The following P3H2 variants were observed in gnomAD, a reference collection of about 807,000 sequenced individuals.
P3H2 encodes the protein prolyl 3-hydroxylase 2.
In P3H2, 80 loss-of-function variants were observed where a neutral mutation model predicts 87.0. That is an observed-to-expected ratio of 0.92 (90% confidence interval 0.77 to 1.11). The LOEUF is 1.11. P3H2 is among the 50% of genes least tolerant of loss of function. The pLI is 0.00. For synonymous variants in P3H2, 367 were observed against 359.3 expected (o/e 1.02, Z -0.24); for missense variants, 1,001 against 923.9 (o/e 1.08, Z -1.08).
At chr3:190,102,540 T>C (rs977162754) in intron 1 of P3H2, among the ~76,000 whole-genome samples, 2 of 152,222 alleles carry the variant, frequency 1.3e-5, no homozygotes, top group Non-Finnish European at 2.9e-5. Flanking sequence ...CCTGAGATGT[T>C]AGTTAATTAC....
intron 11 of P3H2, among the ~76,000 whole-genome samples, chr3:189,972,612 A>ATT (rs148423217): frequency 7.9e-5 from 12 of 151,472 alleles, no homozygotes; most frequent in African/African-American, 2.9e-4. Flanking sequence ...GCAGAAAAGC[A>ATT]TTTTTTTTTC....
intron 1 of P3H2, among the ~76,000 whole-genome samples, chr3:190,075,416 T>C (rs1726839096): frequency 6.8e-6 from 1 of 148,036 alleles, no homozygotes; most frequent in Admixed American, 6.8e-5. Context: ...ACCTGGGAGG[T>C]GGAGGTTACA....
chr3:189,966,054 AAGAAAGAAAG>A (rs1177500707), intron 13 of P3H2, among the ~76,000 whole-genome samples: 10 of 145,876 alleles, frequency 6.9e-5, no homozygotes, highest in African/African-American at 1.9e-4. Context: ...AAAAGAAAGA[AAGAAAGAAAG>A]AGAAAGAAGG....
At chr3:189,963,779 A>T in intron 14 of P3H2, 179 bp downstream of exon 14, 1 of 688,230 alleles carries the variant, frequency 1.5e-6, no homozygotes, top group Admixed American at 2.2e-5. Context: ...CAGATTAGTG[A>T]CTATCAAATA....
At chr3:189,989,179 C>A in intron 3 of P3H2, 141 bp from the exon 4 acceptor site, 3 of 1,014,320 alleles carry the variant, frequency 3.0e-6, no homozygotes, top group Non-Finnish European at 3.0e-6. Context: ...TTCCGGACTG[C>A]AAAACCTTTT....
In P3H2 at chr3:189,973,030, A is replaced by AC; in HGVS notation, c.1549-7_1549-6insG. On this transcript the variant is annotated splice_polypyrimidine_tract_variant and splice_region_variant and intron_variant, in intron 10 of 14. Transcript: ENST00000319332. The stretch of plus-strand genomic sequence containing the variant: ...ACTCGACCTTCATAACCAGACTGAA[A>AC]AAAAAAAACAAAACATGAGAAACAA... The AC allele has an allele frequency of 6.2e-7, 1 of 1,602,078 alleles. No homozygotes were observed. The highest frequency in any genetic ancestry group is 1.4e-5 in the African/African-American group (1 of 73,404).
At chr3:190,121,857 C>T (rs1328022804), upstream of P3H2, among the ~76,000 whole-genome samples, 3 of 152,090 alleles carry the variant, frequency 2.0e-5, no homozygotes, top group African/African-American at 4.8e-5. Flanking sequence ...TTTGGGAGGC[C>T]AAGGCGGGTG....
chr3:189,971,470 T>C, intron 12 of P3H2: 1 of 270,154 alleles, frequency 3.7e-6, no homozygotes, highest in Admixed American at 5.1e-5. Flanking sequence ...GAGTTTCTAG[T>C]GTCTTATTTA....
chr3:190,030,273 G>C (rs1265566083), intron 1 of P3H2, among the ~76,000 whole-genome samples: 1 of 152,058 alleles, frequency 6.6e-6, no homozygotes, highest in Non-Finnish European at 1.5e-5. Flanking sequence ...TAAAATATTA[G>C]AAAAACAATG....
chr3:189,981,797 C>A (rs748808461), intron 8 of P3H2, among the ~76,000 whole-genome samples: 21 of 152,176 alleles, frequency 1.4e-4, no homozygotes, highest in Non-Finnish European at 2.6e-4. Flanking sequence ...TGGGTGATTT[C>A]TCAGCCTAAA....
chr3:190,120,669 T>C lies in P3H2; in HGVS notation c.63A>G (p.Pro21=), dbSNP rs749637296. The change falls in exon 1 of 15, where the codon CCA becomes CCG. Residue 21 remains proline, a synonymous_variant. Coordinates refer to ENST00000319332, the MANE Select transcript of P3H2 (RefSeq NM_018192.4). ...LLLLPLLLPP[P]LWGGPPDSPR... ...GGCTGTCCGGGGGGCCGCCCCACAG[T>C]GGCGGCGGCAGTAGCAGCGGCAGCA... 3.3e-6 allele frequency: 5 copies of C among 1,522,870 alleles called. No individual in the cohort carries two copies. Among genetic ancestry groups the C allele is most frequent in the Non-Finnish European group, 4.4e-6 (5 of 1,142,058 alleles). 94.3% of individuals were successfully genotyped at this position (1,522,870 alleles called of 1,614,324 possible).
Position 189,988,861 on chromosome 3 carries a change from G to T in P3H2, c.955+46C>A. The T allele has an allele frequency of 2.5e-6, 4 of 1,611,584 alleles. 1 individual carries two copies. The South Asian group carries it at 4.4e-5, about 18-fold the overall frequency. On this transcript the variant is annotated intron_variant, in intron 4 of 14. Coordinates refer to ENST00000319332, the MANE Select transcript of P3H2 (RefSeq NM_018192.4). ...ACAAAAATGTGATGTCTGTAATGAT[G>T]AACCACAACCCCCCAAGAAGTCTTC...
In P3H2 at chr3:190,120,242, C is replaced by G. The variant is rs1428804744; in HGVS notation, c.480+10G>C. 6.2e-7 allele frequency: 1 copy of G among 1,608,474 alleles called. No homozygotes were observed. Among genetic ancestry groups the G allele is most frequent in the African/African-American group, 1.3e-5 (1 of 74,882 alleles). ...AGGGGCTTTGCAGTGGAGGAGCGCT[C>G]TGTGGGTACCTTGATGTAGGCCCGC... On this transcript the variant is annotated intron_variant, in intron 1 of 14. Coordinates refer to ENST00000319332, the MANE Select transcript of P3H2 (RefSeq NM_018192.4).
At chr3:190,047,989 T>C (rs979767681) in intron 1 of P3H2, among the ~76,000 whole-genome samples, 1 of 152,220 alleles carries the variant, frequency 6.6e-6, no homozygotes, top group Admixed American at 6.5e-5. Flanking sequence ...TTTTTATGTA[T>C]ACAGGTCTTT....
intron 4 of P3H2, 149 bp from the exon 5 acceptor site, chr3:189,987,818 G>A: frequency 1.2e-6 from 1 of 847,868 alleles, no homozygotes; most frequent in Admixed American, 2.1e-5. Flanking sequence ...AGCAGAAACA[G>A]TCACAGATAA....
At chr3:190,114,500 T>G (rs751390295) in intron 1 of P3H2, among the ~76,000 whole-genome samples, 1 of 152,134 alleles carries the variant, frequency 6.6e-6, no homozygotes, top group African/African-American at 2.4e-5. Flanking sequence ...CTAATTAAAT[T>G]TTAAGCCTCT....
At chr3:190,101,646 AAAG>A (rs1310850890) in intron 1 of P3H2, among the ~76,000 whole-genome samples, 1 of 151,100 alleles carries the variant, frequency 6.6e-6, no homozygotes, top group Non-Finnish European at 1.5e-5. Context: ...AGGTCTAAAA[AAAG>A]AAGCCGTCTT....
chr3:190,092,250 G>A (rs1389049408), intron 1 of P3H2, among the ~76,000 whole-genome samples: 1 of 148,176 alleles, frequency 6.7e-6, no homozygotes, highest in Admixed American at 6.7e-5. Flanking sequence ...AAAAAATCCA[G>A]TTGGTCTTAG....
At chr3:189,987,090 C>T (rs995863524) in intron 5 of P3H2, among the ~76,000 whole-genome samples, 2 of 152,252 alleles carry the variant, frequency 1.3e-5, no homozygotes, top group Admixed American at 6.5e-5. Context: ...TTGAAAGAAC[C>T]GAGTTCAACA....
Sources: gnomAD v4.1 joint callset for allele counts (sites outside exome capture counted in the v4.1 genomes callset) on GRCh38, gnomAD v4.1.1 for gene constraint, MANE v1.5 for transcripts, NCBI Gene and HGNC (gene_info 2026-07-23, HGNC 2026-07-21) for gene names.